ZFR: variants seen among roughly 807,000 people sequenced by gnomAD.
ZFR encodes zinc finger RNA-binding protein.
In ZFR, 19 loss-of-function variants were observed where a neutral mutation model predicts 130.7. The observed-to-expected ratio is 0.15, with a 90% CI of 0.10 to 0.21. The LOEUF is 0.21. ZFR is among the 10% of genes least tolerant of loss of function. The probability of loss-of-function intolerance (pLI) is 1.00; values close to 1 mark genes in which losing one functional copy is unlikely to be tolerated. For synonymous variants in ZFR, 466 were observed against 456.9 expected, an observed-to-expected ratio of 1.02 and a Z score of -0.25; for missense variants, 872 against 1,321.5, an observed-to-expected ratio of 0.66 and a Z score of 5.27.
intron 2 of ZFR, among the ~76,000 whole-genome samples, chr5:32,437,704 T>G (rs1271974780): frequency 6.6e-6 from 1 of 152,166 alleles, no homozygotes; most frequent in African/African-American, 2.4e-5. Context: ...GTAGCTGATT[T>G]TTTTTTTAAC....
At chr5:32,362,483 A>G (rs1752458301) in intron 19 of ZFR, among the ~76,000 whole-genome samples, 2 of 152,214 alleles carry the variant, frequency 1.3e-5, no homozygotes, top group African/African-American at 4.8e-5. Context: ...CTGGTACTTC[A>G]GATTTCACCA....
intron 17 of ZFR, among the ~76,000 whole-genome samples, chr5:32,373,732 C>T (rs761596628): frequency 6.6e-6 from 1 of 151,002 alleles, no homozygotes; most frequent in African/African-American, 2.4e-5. Context: ...ATACTAGGAG[C>T]GAATTTTAAA....
chr5:32,397,775 G>T (rs950197985), intron 9 of ZFR, among the ~76,000 whole-genome samples: 1 of 142,618 alleles, frequency 7.0e-6, no homozygotes, highest in Non-Finnish European at 1.5e-5. Context: ...TAAAAGGATA[G>T]AAACTGTAGA....
chr5:32,375,833 T>C lies in ZFR; in HGVS notation c.2835+3282A>G, dbSNP rs1289004823. Among the ~76,000 whole-genome samples the C allele has an allele frequency of 2.0e-5, 3 of 151,670 alleles. No individual in the cohort carries two copies. In the East Asian group the frequency reaches 5.8e-4, roughly 29 times the overall value. On this transcript the variant is annotated intron_variant, in intron 17 of 19. Transcript: ENST00000265069. ...GGTTGATCTTTCATCTATCGATTTA[T>C]AGTTTTTAAATTAGTTTTTTTTTTT...
rs1752269677 is a variant in ZFR, at chr5:32,354,740, G to A, written c.*1020C>T. The A allele has an allele frequency of 6.6e-6, 1 of 152,558 alleles. No individual in the cohort carries two copies. The highest frequency in any genetic ancestry group is 2.4e-5 in the African/African-American group (1 of 41,414). The allele number at this position is 152,558 out of a possible 1,614,324, so 9.5% of individuals were successfully genotyped here. ...AGATCATCTGTGTTATACTGTAATA[G>A]TTGCTAGAGTAATCTCACACACACC... On this transcript the variant is annotated 3_prime_UTR_variant, in exon 20 of 20. Transcript: ENST00000265069.
intron 14 of ZFR, among the ~76,000 whole-genome samples, chr5:32,386,214 A>C (rs1404119885): frequency 1.3e-5 from 2 of 152,124 alleles, no homozygotes; most frequent in Non-Finnish European, 2.9e-5. Context: ...TAGCTCTGAT[A>C]CTTTACAGTG....
intron 2 of ZFR, among the ~76,000 whole-genome samples, chr5:32,425,002 G>A (rs893721487): frequency 6.6e-6 from 1 of 152,120 alleles, no homozygotes; most frequent in African/African-American, 2.4e-5. Context: ...AACTAGAAAT[G>A]GAGTATACTC....
chr5:32,399,072 G>A (rs555465869), intron 9 of ZFR, among the ~76,000 whole-genome samples: 180 of 152,048 alleles, frequency 1.2e-3, no homozygotes, highest in East Asian at 7.6e-3. Flanking sequence ...TCAGGAGTTC[G>A]AGACCAGCCT....
Position 32,390,263 on chromosome 5 carries a change from G to A in ZFR, c.2142+12C>T, listed in dbSNP as rs764036953. On this transcript the variant is annotated intron_variant, in intron 12 of 19. Coordinates refer to ENST00000265069, the MANE Select transcript of ZFR (RefSeq NM_016107.5). ...AACTTTCACCCCTTGTATCACCAACGTGGACACTCACTGCAGGCCCCTGAG... is the reference window on the plus strand; with the variant it reads ...AACTTTCACCCCTTGTATCACCAACATGGACACTCACTGCAGGCCCCTGAG... 6.2e-6 allele frequency: 10 copies of A among 1,607,656 alleles called. No individual in the cohort carries two copies. Among genetic ancestry groups the A allele is most frequent in the East Asian group, 2.2e-5 (1 of 44,668 alleles).
chr5:32,377,528 A>T (rs562046183), intron 17 of ZFR, among the ~76,000 whole-genome samples: 4 of 152,188 alleles, frequency 2.6e-5, no homozygotes, highest in African/African-American at 7.2e-5. Context: ...GCTGAAAAGT[A>T]GATGAAAAAC....
At chr5:32,422,399 C>A (rs1753976372) in intron 2 of ZFR, among the ~76,000 whole-genome samples, 1 of 152,116 alleles carries the variant, frequency 6.6e-6, no homozygotes, top group South Asian at 2.1e-4. Flanking sequence ...AAGATGCCAG[C>A]AGATTTAGCA....
intron 2 of ZFR, among the ~76,000 whole-genome samples, chr5:32,441,589 A>G (rs1362251441): frequency 2.0e-5 from 3 of 152,036 alleles, no homozygotes; most frequent in African/African-American, 7.2e-5. Context: ...TGAGATCTTC[A>G]AATTTGAAAA....
intron 5 of ZFR, among the ~76,000 whole-genome samples, chr5:32,413,518 AAAT>A (rs1349434830): frequency 3.9e-5 from 6 of 152,018 alleles, no homozygotes; most frequent in Non-Finnish European, 8.8e-5. Flanking sequence ...TCTAATTTAT[AAAT>A]AATAATATAT....
intron 2 of ZFR, among the ~76,000 whole-genome samples, chr5:32,426,904 G>GTA: frequency 1.5e-5 from 2 of 132,986 alleles, no homozygotes; most frequent in Non-Finnish European, 3.1e-5. Context: ...CACTCTTTCT[G>GTA]AAAAAAAAAA....
At chr5:32,419,096 CTCTCAAAATAT>C (rs1007719727) in intron 3 of ZFR, among the ~76,000 whole-genome samples, 5 of 152,174 alleles carry the variant, frequency 3.3e-5, no homozygotes, top group African/African-American at 4.8e-5. Context: ...GTTTGTCCTG[CTCTCAAAATAT>C]TCTCAAAATA....
At chr5:32,356,409 T>TTTTTG (rs1346544584) in intron 19 of ZFR, among the ~76,000 whole-genome samples, 1 of 152,070 alleles carries the variant, frequency 6.6e-6, no homozygotes, top group Non-Finnish European at 1.5e-5. Flanking sequence ...GGTTTCAGTA[T>TTTTTG]TTTTGTTTTG....
chr5:32,385,072 C>G (rs1017750426), intron 15 of ZFR, among the ~76,000 whole-genome samples: 4 of 151,946 alleles, frequency 2.6e-5, no homozygotes, highest in Non-Finnish European at 4.4e-5. Flanking sequence ...AAATGTGTTA[C>G]GAATACTTAG....
intron 6 of ZFR, 83 bp downstream of exon 6, chr5:32,406,689 CCT>C: frequency 6.9e-7 from 1 of 1,451,116 alleles, no homozygotes; most frequent in Admixed American, 2.6e-5. Flanking sequence ...AAAATGTAAA[CCT>C]CTTTTAGTAG....
chr5:32,424,326 G>A (rs1437556157), intron 2 of ZFR, among the ~76,000 whole-genome samples: 1 of 152,106 alleles, frequency 6.6e-6, no homozygotes, highest in African/African-American at 2.4e-5. Flanking sequence ...GGTGGATCAC[G>A]AGGTCAGGAG....
Sources: allele counts gnomAD v4.1 joint callset (sites outside exome capture counted in the v4.1 genomes callset), GRCh38; gene constraint gnomAD v4.1.1; transcripts MANE v1.5; gene names NCBI Gene and HGNC (gene_info 2026-07-23, HGNC 2026-07-21).